The following MMP16 variants were observed in gnomAD, a reference collection of about 807,000 sequenced individuals.
The protein encoded by MMP16 is matrix metalloproteinase-16.
MMP16 carries 12 observed loss-of-function variants against 67.8 expected under a neutral mutation model. The ratio of observed to expected loss-of-function variants is 0.18; its 90% CI spans 0.11 to 0.29. The LOEUF (loss-of-function observed/expected upper bound fraction) is 0.29. Among genes scored for constraint, MMP16 ranks in the 10% least tolerant of loss-of-function variants. MMP16 has a pLI of 1.00. For synonymous variants in MMP16, 249 were observed against 255.9 expected (o/e 0.97, Z 0.26); for missense variants, 475 against 765.7 (o/e 0.62, Z 4.48).
At chr8:88,078,204 A>G (rs1173222451) in intron 6 of MMP16, among the ~76,000 whole-genome samples, 1 of 152,166 alleles carries the variant, frequency 6.6e-6, no homozygotes, top group Non-Finnish European at 1.5e-5. Flanking sequence ...CCTATCTGCA[A>G]AGTCAAGTTG....
chr8:88,100,330 G>A (rs1159521723), intron 6 of MMP16, among the ~76,000 whole-genome samples: 1 of 151,856 alleles, frequency 6.6e-6, no homozygotes, highest in Non-Finnish European at 1.5e-5. Context: ...ATGAACAGAT[G>A]ACTCTCAAAA....
chr8:88,201,600 T>C (rs1169561625), intron 1 of MMP16, among the ~76,000 whole-genome samples: 11 of 152,164 alleles, frequency 7.2e-5, no homozygotes, highest in Non-Finnish European at 1.6e-4. Context: ...ACTAACAAAA[T>C]GTTTAAATCT....
intron 1 of MMP16, among the ~76,000 whole-genome samples, chr8:88,280,399 C>G (rs1421921013): frequency 6.6e-6 from 1 of 152,098 alleles, no homozygotes; most frequent in Non-Finnish European, 1.5e-5. Flanking sequence ...AAAGAGAACT[C>G]AACCCATGCT....
intron 1 of MMP16, among the ~76,000 whole-genome samples, chr8:88,286,853 G>A (rs889537053): frequency 6.6e-6 from 1 of 151,956 alleles, no homozygotes; most frequent in African/African-American, 2.4e-5. Flanking sequence ...TTACAGGCAT[G>A]AGCCACCACG....
intron 1 of MMP16, among the ~76,000 whole-genome samples, chr8:88,214,926 C>T (rs899189146): frequency 2.0e-5 from 3 of 152,180 alleles, no homozygotes; most frequent in Non-Finnish European, 4.4e-5. Flanking sequence ...ATAAGTGAGC[C>T]TCCTTCAGTG....
At position 88,041,737 on chromosome 8, in the gene MMP16, C is replaced by T. The variant is rs1484040771; in HGVS notation, c.1548G>A (p.Lys516=). 1 of 1,613,690 alleles carries T rather than the reference C, an allele frequency of 6.2e-7. No individual in the cohort carries two copies. The highest frequency in any genetic ancestry group is 1.3e-5 in the African/African-American group (1 of 74,908). Residue 516 remains lysine (K), a synonymous_variant, in exon 10 of 10, where the codon AAG becomes AAA. Transcript: ENST00000286614. This position sits in a 1 kb window ranked among gnomAD's most constrained non-coding sequence, Gnocchi z 6.0. ...EYWKFNNQIL[K]VEPGYPRSIL... ...TGGATCTTGGATATCCAGGTTCTAC[C>T]TTGAGTATCTGGTTGTTGAATTTCC...
chr8:88,112,830 G>A (rs867690206), intron 6 of MMP16, among the ~76,000 whole-genome samples: 3 of 151,716 alleles, frequency 2.0e-5, no homozygotes, highest in African/African-American at 4.8e-5. Context: ...AAAGCATTAC[G>A]CTGAAAGTCC....
intron 6 of MMP16, among the ~76,000 whole-genome samples, chr8:88,106,632 C>T (rs914186621): frequency 6.6e-6 from 1 of 151,152 alleles, no homozygotes; most frequent in Non-Finnish European, 1.5e-5. Context: ...ATGTAAGATA[C>T]TATTAACCTT....
rs143613912 is a variant in MMP16 at position 88,187,973 on chromosome 8, T to C, written c.282-1375A>G. 2.7e-4 allele frequency among the ~76,000 whole-genome samples: 41 copies of C among 152,312 alleles called. 1 individual carries two copies. Among genetic ancestry groups the C allele is most frequent in the African/African-American group, 9.4e-4 (39 of 41,572 alleles). On this transcript the variant is annotated intron_variant, in intron 2 of 9. Coordinates refer to ENST00000286614, the MANE Select transcript of MMP16 (RefSeq NM_005941.5). ...TAAGAGGGTATCCAGCTTTATGGAA[T>C]TGAGCTCTCAGGAGGTGAGATCAGA... is the stretch of plus-strand genomic sequence containing the variant.
At chr8:88,132,035 C>T in intron 4 of MMP16, among the ~76,000 whole-genome samples, 1 of 151,766 alleles carries the variant, frequency 6.6e-6, no homozygotes, top group Non-Finnish European at 1.5e-5. Flanking sequence ...TGACTATTTT[C>T]ACATACTCCC....
At chr8:88,313,791 C>T (rs1324745180) in intron 1 of MMP16, among the ~76,000 whole-genome samples, 1 of 152,090 alleles carries the variant, frequency 6.6e-6, no homozygotes, top group Non-Finnish European at 1.5e-5. Flanking sequence ...GCCTCACATT[C>T]ACGGTGGAAG....
intron 1 of MMP16, among the ~76,000 whole-genome samples, chr8:88,222,950 A>C (rs1206128329): frequency 1.3e-5 from 2 of 152,334 alleles, no homozygotes; most frequent in East Asian, 3.9e-4. Context: ...CACCCATCTG[A>C]CAAAGGGCTA....
intron 2 of MMP16, among the ~76,000 whole-genome samples, chr8:88,194,773 G>A (rs1328054946): frequency 1.3e-5 from 2 of 151,922 alleles, no homozygotes; most frequent in Non-Finnish European, 2.9e-5. Context: ...ACTCTGAAGA[G>A]AAAGATGCAC....
intron 6 of MMP16, among the ~76,000 whole-genome samples, chr8:88,088,762 C>CAACT (rs1808886363): frequency 6.6e-6 from 1 of 152,052 alleles, no homozygotes; most frequent in Non-Finnish European, 1.5e-5. Context: ...CCTCAACACA[C>CAACT]AACTTGCTGT....
chr8:88,273,247 G>GTT (rs1563580401), intron 1 of MMP16, among the ~76,000 whole-genome samples: 3 of 85,624 alleles, frequency 3.5e-5, no homozygotes, highest in Non-Finnish European at 5.5e-5. Flanking sequence ...ACCATGCCTG[G>GTT]CTTTTTTTTT....
At chr8:88,293,627 T>C (rs1177626700) in intron 1 of MMP16, among the ~76,000 whole-genome samples, 2 of 152,172 alleles carry the variant, frequency 1.3e-5, no homozygotes, top group African/African-American at 2.4e-5. Flanking sequence ...ATACTATATA[T>C]ATTTAAAGCT....
chr8:88,093,443 G>A (rs139493741), intron 6 of MMP16, among the ~76,000 whole-genome samples: 59 of 151,698 alleles, frequency 3.9e-4, no homozygotes, highest in Middle Eastern at 3.4e-3. Context: ...CCTTTTAAGC[G>A]CGAATCACTG....
intron 6 of MMP16, among the ~76,000 whole-genome samples, chr8:88,082,816 T>A (rs953933594): frequency 2.0e-5 from 3 of 150,452 alleles, no homozygotes; most frequent in Non-Finnish European, 4.4e-5. Flanking sequence ...CAGGTTGAAT[T>A]GTTAAAAATA....
chr8:88,211,623 A>G (rs1285451786), intron 1 of MMP16, among the ~76,000 whole-genome samples: 2 of 152,158 alleles, frequency 1.3e-5, no homozygotes. Flanking sequence ...TTTATAAAAA[A>G]GTTCCTCTGC....
Sources: gnomAD v4.1 joint callset for allele counts (sites outside exome capture counted in the v4.1 genomes callset) on GRCh38, gnomAD v4.1.1 for gene constraint, Gnocchi (gnomAD v3.1) non-coding constraint, MANE v1.5 for transcripts, NCBI Gene and HGNC (gene_info 2026-07-23, HGNC 2026-07-21) for gene names.